Variants in KANSL3 observed in about 807,000 individuals in gnomAD.
KANSL3 encodes NSL complex protein NSL3.
A neutral mutation model predicts 89.2 loss-of-function variants in KANSL3; 16 were observed. That is an observed-to-expected ratio of 0.18 (90% CI 0.12 to 0.27). The LOEUF (loss-of-function observed/expected upper bound fraction) is 0.27, where lower values mean the gene tolerates loss of function less well. Ranked by LOEUF, KANSL3 falls within the 10% of genes least tolerant of loss-of-function variation. The pLI, the probability that KANSL3 is intolerant of heterozygous loss-of-function variation, is 1.00. For synonymous variants in KANSL3, 385 were observed against 419.7 expected, an observed-to-expected ratio of 0.92 and a Z score of 1.01; for missense variants, 879 against 1,110.6, an observed-to-expected ratio of 0.79 and a Z score of 2.96.
At chr2:96,609,178 C>T in intron 12 of KANSL3, 114 bp from the exon 13 acceptor site, 3 of 939,350 alleles carry the variant, frequency 3.2e-6, no homozygotes, top group Non-Finnish European at 4.8e-6. Context: ...TCCGCATGTG[C>T]CAGTCCTTCC....
chr2:96,604,206 AAAAATTC>A (rs749831274), intron 17 of KANSL3, 37 bp downstream of exon 17: 5 of 1,547,896 alleles, frequency 3.2e-6, no homozygotes, highest in Non-Finnish European at 4.3e-6. Context: ...GCAGCAGACC[AAAAATTC>A]TGTGTTGGAA....
At chr2:96,609,980 A>AAAAAAT (rs2068635794) in intron 11 of KANSL3, among the ~76,000 whole-genome samples, 1 of 147,528 alleles carries the variant, frequency 6.8e-6, no homozygotes. Flanking sequence ...AAAAAAAAAA[A>AAAAAAT]GCTCAAGGTC....
At chr2:96,619,809 C>T in intron 3 of KANSL3, 47 bp from the exon 4 acceptor site, 3 of 1,400,556 alleles carry the variant, frequency 2.1e-6, no homozygotes, top group Non-Finnish European at 3.0e-6. Flanking sequence ...TGGGGACGCT[C>T]CCCATGTATG....
intron 3 of KANSL3, among the ~76,000 whole-genome samples, chr2:96,629,456 G>A (rs886121347): frequency 2.0e-5 from 3 of 152,156 alleles, no homozygotes; most frequent in Admixed American, 1.3e-4. Flanking sequence ...CCGAGTAGCT[G>A]GGATTACAGG....
intron 2 of KANSL3, 76 bp from the exon 3 acceptor site, chr2:96,631,558 A>C (rs748274020): frequency 1.3e-6 from 2 of 1,512,048 alleles, no homozygotes. Context: ...TTGACAAAAA[A>C]TGTATCTTTA....
In KANSL3 at chr2:96,608,531, A is replaced by G. The variant is rs145222575; in HGVS notation, c.1718T>C (p.Val573Ala). 1.9e-4 allele frequency: 304 copies of G among 1,614,036 alleles called. 1 individual carries two copies. The highest frequency in any genetic ancestry group is 1.6e-3 in the Middle Eastern group (10 of 6,062). Residue 573 changes from valine to alanine, a missense_variant, in exon 14 of 21, where the codon GTG (valine) becomes GCG (alanine). Physicochemically the swap from Val to Ala is moderately conservative, Grantham distance 64. Around this residue, in one of 6 missense-constraint regions of KANSL3, gnomAD observed 317 missense variants for 311.2 expected, o/e 1.02. Transcript: ENST00000431828. ...ACCTTGAGCTTGTTTGTGGGTCAGCACAGCTTCTGTCCGCTGCACATGTCT... is the reference window on the plus strand; with the variant it reads ...ACCTTGAGCTTGTTTGTGGGTCAGCGCAGCTTCTGTCCGCTGCACATGTCT... ...LKRHVQRTEA[V>A]LTHKQAQVPI...
chr2:96,628,070 T>A, intron 3 of KANSL3: 1 of 1,290,386 alleles, frequency 7.7e-7, no homozygotes, highest in Non-Finnish European at 1.0e-6. Context: ...AGAAGGGTGG[T>A]GGTCCACAAG....
At chr2:96,604,907 G>T in intron 15 of KANSL3, 44 bp from the exon 16 acceptor site, 4 of 1,498,754 alleles carry the variant, frequency 2.7e-6, no homozygotes, top group Non-Finnish European at 3.6e-6. Context: ...GTCCTATTTG[G>T]CCTCTATGTT....
At chr2:96,586,709 C>T in the KANSL3 span, among the ~76,000 whole-genome samples, 207 of 152,334 alleles carry the variant, frequency 1.4e-3, 1 homozygote, top group African/African-American at 4.9e-3. Context: ...ACACTACAGG[C>T]TTCAACGCCT....
rs199680771 is a variant in KANSL3, at chr2:96,618,211, T to TTC, written c.663+1146_663+1147dup. 1.1e-4 allele frequency among the ~76,000 whole-genome samples: 16 copies of TTC among 148,356 alleles called. No homozygotes were observed. In the East Asian group the frequency reaches 2.6e-3, roughly 24 times the overall value. ...ACTTGGATTGATTTGGTTCTTTCTCTTCTCTCTCTCTCTCTTTCTTAGAGA... is the reference window on the plus strand; with the variant it reads ...ACTTGGATTGATTTGGTTCTTTCTCTTCTCTCTCTCTCTCTCTTTCTTAGAGA... On this transcript the variant is annotated intron_variant, in intron 5 of 20. Transcript: ENST00000431828.
intron 2 of KANSL3, chr2:96,636,594 A>T (rs1026277964): frequency 4.6e-5 from 11 of 239,016 alleles, no homozygotes; most frequent in African/African-American, 9.0e-5. Context: ...TCCTGTGGGT[A>T]ATCTTTTAAA....
intron 1 of KANSL3, 67 bp downstream of exon 1, chr2:96,638,215 CG>C: frequency 3.3e-5 from 5 of 152,446 alleles, no homozygotes; most frequent in Admixed American, 1.3e-4. Context: ...CCGAGACCCC[CG>C]GCCGTCCCAA....
chr2:96,608,081 T>C (rs1573378423), intron 14 of KANSL3, among the ~76,000 whole-genome samples: 1 of 152,304 alleles, frequency 6.6e-6, no homozygotes, highest in East Asian at 1.9e-4. Flanking sequence ...TAAACTTCAC[T>C]GAAAGTCTCA....
rs553411418 is a variant in KANSL3, at chr2:96,633,106, C to T, written c.216-1624G>A. On this transcript the variant is annotated intron_variant, in intron 2 of 20. Transcript: ENST00000431828. ...CAGTGTGGGCAACATGGTGAAACCC[C>T]GTCTCTACTGAAAATACAGAAATTA... 3.3e-5 allele frequency among the ~76,000 whole-genome samples: 5 copies of T among 152,080 alleles called. No individual in the cohort carries two copies. In the South Asian group the frequency reaches 6.2e-4, roughly 19 times the overall value.
chr2:96,633,922 A>T (rs1489802058), intron 2 of KANSL3, among the ~76,000 whole-genome samples: 7 of 152,206 alleles, frequency 4.6e-5, no homozygotes, highest in Admixed American at 4.6e-4. Flanking sequence ...CATTTCAAGC[A>T]TTCAACAGAT....
chr2:96,601,604 A>C, intron 20 of KANSL3, 39 bp downstream of exon 20: 2 of 1,602,274 alleles, frequency 1.2e-6, no homozygotes, highest in Non-Finnish European at 1.7e-6. Flanking sequence ...ACTTCCCAAT[A>C]ATGAAGCCCA....
chr2:96,624,263 TAC>T (rs1455428305), intron 3 of KANSL3, among the ~76,000 whole-genome samples: 11 of 152,252 alleles, frequency 7.2e-5, no homozygotes. Context: ...CTCTCTTATG[TAC>T]AGTGATTCTC....
Position 96,613,541 on chromosome 2 carries a change from G to A in KANSL3, c.742C>T (p.Leu248=). ...GAAGAEALSL[L]LKRPWDPAVG... ...GCAGGGTCCCAGGGCCTCTTCAGTA[G>A]GAGAGACAAGGCCTCAGCTCCTGCA... is the stretch of plus-strand genomic sequence containing the variant. Residue 248 remains leucine (L), a synonymous_variant, in exon 6 of 21, where the codon CTA becomes TTA. Transcript: ENST00000431828. 6.2e-7 allele frequency: 1 copy of A among 1,613,594 alleles called. No homozygotes were observed. Among genetic ancestry groups the A allele is most frequent in the Non-Finnish European group, 8.5e-7 (1 of 1,179,706 alleles).
At chr2:96,610,690 C>T in intron 11 of KANSL3, 36 bp downstream of exon 11, 1 of 1,610,534 alleles carries the variant, frequency 6.2e-7, no homozygotes, top group Non-Finnish European at 8.5e-7. Context: ...AACACTGTAA[C>T]ACAGCTCTCT....
Sources: gnomAD v4.1 joint callset for allele counts (sites outside exome capture counted in the v4.1 genomes callset) on GRCh38, gnomAD v4.1.1 for gene constraint, gnomAD v4.1.1 regional missense constraint, MANE v1.5 for transcripts, NCBI Gene and HGNC (gene_info 2026-07-23, HGNC 2026-07-21) for gene names.